Variants in LRRC8E observed in about 807,000 individuals in gnomAD.
LRRC8E encodes the protein leucine rich repeat containing 8 VRAC subunit E.
A neutral mutation model predicts 6.1 loss-of-function variants in LRRC8E; 6 were observed. The ratio of observed to expected loss-of-function variants is 0.98; its 90% CI spans 0.54 to 1.93. The LOEUF is 1.93. Ranked by LOEUF, LRRC8E falls within the 30% of genes most tolerant of loss-of-function variation. LRRC8E has a pLI of 0.01. For missense variants in LRRC8E, 1,028 were observed against 1,031.4 expected (o/e 1.00, Z 0.04); for synonymous variants, 485 against 472.8 (o/e 1.03, Z -0.33).
At chr19:7,896,891 A>G (rs794460) in intron 2 of LRRC8E, among the ~76,000 whole-genome samples, 58,590 of 151,946 alleles carry the variant, frequency 0.39, 11,530 homozygotes, top group East Asian at 0.56. Flanking sequence ...CACTGTGTCC[A>G]GCCCCATATT....
In LRRC8E at chr19:7,898,840, TTA is replaced by T. The variant is rs1690897975; in HGVS notation, c.320_321del (p.Tyr107Ter). 3 of 1,614,230 alleles carry T rather than the reference TTA, an allele frequency of 1.9e-6. No individual in the cohort carries two copies. The highest frequency in any genetic ancestry group is 2.5e-6 in the Non-Finnish European group (3 of 1,180,044). ...AATACAGCTTTATTAACCAGCTGTGTTATGAGACGGCCCTGCACTGGTATGCC... is the reference window on the plus strand; with the variant it reads ...AATACAGCTTTATTAACCAGCTGTGTTGAGACGGCCCTGCACTGGTATGCC... Reference protein sequence around the residue: ...QQYSFINQLCYETALHWYAKY... With the variant: ...QQYSFINQLCXETALHWYAKY... On this transcript the variant is annotated frameshift_variant, in exon 3 of 3. Transcript: ENST00000306708. LOFTEE classifies it low-confidence loss of function (END_TRUNC).
Position 7,899,227 on chromosome 19 carries a change from T to C in LRRC8E, c.705T>C (p.Phe235=). The change falls in exon 3 of 3, where the codon TTT becomes TTC. Residue 235 remains phenylalanine (F), a synonymous_variant. Coordinates refer to ENST00000306708, the MANE Select transcript of LRRC8E (RefSeq NM_025061.6). Reference sequence around the variant, plus strand: ...AGGGTGAGCAAGCCAAAGCCCTGTTTGAGAAGGTGAAGAAGTTCCGCATGC... The same window carrying C: ...AGGGTGAGCAAGCCAAAGCCCTGTTCGAGAAGGTGAAGAAGTTCCGCATGC... ...KKEGEQAKAL[F]EKVKKFRMHV... is the part of the protein sequence containing the mutation. 2 of 1,614,174 alleles carry C rather than the reference T, an allele frequency of 1.2e-6. No homozygotes were observed. The highest frequency in any genetic ancestry group is 1.7e-6 in the Non-Finnish European group (2 of 1,180,026).
chr19:7,898,308 G>A (rs531756584), intron 2 of LRRC8E, among the ~76,000 whole-genome samples: 75 of 151,588 alleles, frequency 4.9e-4, no homozygotes, highest in African/African-American at 1.7e-3. Flanking sequence ...GGTGCGGGGG[G>A]TCTCCCACCT....
chr19:7,901,076 T>A lies in LRRC8E; in HGVS notation c.*163T>A, dbSNP rs1981989563. 1.7e-6 allele frequency: 1 copy of A among 601,068 alleles called. No homozygotes were observed. The highest frequency in any genetic ancestry group is 2.8e-6 in the Non-Finnish European group (1 of 362,772). 37.2% of individuals were successfully genotyped at this position (601,068 alleles called of 1,614,324 possible). On this transcript the variant is annotated 3_prime_UTR_variant, in exon 3 of 3. Coordinates refer to ENST00000306708, the MANE Select transcript of LRRC8E (RefSeq NM_025061.6). ...TGGGGCCCAGGAGGATCTGGGCTGG[T>A]TTGTCTGGGGAGACAGACAGGATGT...
chr19:7,898,747 G>A lies in LRRC8E; in HGVS notation c.225G>A (p.Arg75=). Residue 75 remains arginine, a synonymous_variant, in exon 3 of 3, where the codon CGG becomes CGA. Coordinates refer to ENST00000306708, the MANE Select transcript of LRRC8E (RefSeq NM_025061.6). ...CCCCGTGCCAGCAATTGCTGCCTCGGGGGATCCCTGAGCAGATTGGGGCCC... is the reference window on the plus strand; with the variant it reads ...CCCCGTGCCAGCAATTGCTGCCTCGAGGGATCCCTGAGCAGATTGGGGCCC... ...SEAPCQQLLP[R]GIPEQIGALQ... 2 of 1,614,102 alleles carry A rather than the reference G, an allele frequency of 1.2e-6. No homozygotes were observed. The highest frequency in any genetic ancestry group is 1.7e-6 in the Non-Finnish European group (2 of 1,180,016).
At position 7,899,772 on chromosome 19, in the gene LRRC8E, G is replaced by A. The variant is rs375171999; in HGVS notation, c.1250G>A (p.Gly417Asp). The A allele has an allele frequency of 5.3e-5, 86 of 1,610,320 alleles. No individual in the cohort carries two copies. The highest frequency in any genetic ancestry group is 7.0e-5 in the Non-Finnish European group (83 of 1,179,998). ...CAGAAGCTGCAGCGCAATGCCGCGG[G>A]CCGGCTGGAGCTGGCCCTCTGCATG... ...LRQKLQRNAA[G>D]RLELALCMLP... is the part of the protein sequence containing the mutation. The change falls in exon 3 of 3, where the codon GGC (glycine) becomes GAC (aspartate). Residue 417 changes from glycine (G) to aspartate (D), a missense_variant. Gly to Asp is a moderately conservative substitution (Grantham distance 94). Coordinates refer to ENST00000306708, the MANE Select transcript of LRRC8E (RefSeq NM_025061.6).
At position 7,897,255 on chromosome 19, in the gene LRRC8E, C is replaced by T. The variant is rs892145358; in HGVS notation, c.139-1406C>T. Among the ~76,000 whole-genome samples the T allele has an allele frequency of 7.3e-5, 11 of 151,662 alleles. No individual in the cohort carries two copies. The South Asian group carries it at 1.5e-3, about 20-fold the overall frequency. On this transcript the variant is annotated intron_variant, in intron 2 of 2. Transcript: ENST00000306708. ...TGCGATCTCGGCTCACTGCAACCTC[C>T]GCCTCCCGGGTTCCAACAATTCTCC... is the stretch of plus-strand genomic sequence containing the variant.
Position 7,900,017 on chromosome 19 carries a change from G to C in LRRC8E, c.1495G>C (p.Val499Leu). Residue 499 changes from valine to leucine, a missense_variant, in exon 3 of 3, where the codon GTG becomes CTG. Coordinates refer to ENST00000306708, the MANE Select transcript of LRRC8E (RefSeq NM_025061.6). This position sits in a 1 kb window ranked among gnomAD's most constrained non-coding sequence, Gnocchi z 5.0. Reference sequence around the variant, plus strand: ...CGTCAAATGCGAGGAGCTCCGCGAGGTGCCGCTTTGGGTGTTTGGGCTGCG... The same window carrying C: ...CGTCAAATGCGAGGAGCTCCGCGAGCTGCCGCTTTGGGTGTTTGGGCTGCG... ...MRVKCEELREVPLWVFGLRGL... is the reference protein window; with the variant it reads ...MRVKCEELRELPLWVFGLRGL... 6.2e-7 allele frequency: 1 copy of C among 1,610,160 alleles called. No homozygotes were observed. The highest frequency in any genetic ancestry group is 2.2e-5 in the East Asian group (1 of 44,808).
At position 7,899,895 on chromosome 19, in the gene LRRC8E, A is replaced by G. The variant is rs1489737793; in HGVS notation, c.1373A>G (p.Gln458Arg). The change falls in exon 3 of 3, where the codon CAG (glutamine) becomes CGG (arginine). Residue 458 changes from glutamine to arginine, a missense_variant. Gln to Arg is a conservative substitution (Grantham distance 43, BLOSUM62 1). Transcript: ENST00000306708. The part of the protein sequence containing the change: ...CDITFPPGLS[Q>R]LVHLQELSLL... ...ATCACCTTCCCCCCGGGGCTGTCAC[A>G]GCTGGTGCACTTGCAGGAGCTCAGC... is the stretch of plus-strand genomic sequence containing the variant. The G allele has an allele frequency of 6.2e-7, 1 of 1,607,690 alleles. No homozygotes were observed. The highest frequency in any genetic ancestry group is 1.1e-5 in the South Asian group (1 of 91,084).
At position 7,900,950 on chromosome 19, in the gene LRRC8E, A is replaced by G; in HGVS notation, c.*37A>G. ...GGCCGTTTTAGGTAGAGCCTTAAAAATGCTTCTGCCCTGGAATCTCAACCA... is the reference window on the plus strand; with the variant it reads ...GGCCGTTTTAGGTAGAGCCTTAAAAGTGCTTCTGCCCTGGAATCTCAACCA... On this transcript the variant is annotated 3_prime_UTR_variant, in exon 3 of 3. Transcript: ENST00000306708. The surrounding 1 kb of genome is among the most constrained non-coding windows in gnomAD (Gnocchi z 5.0). 1 of 1,445,328 alleles carries G rather than the reference A, an allele frequency of 6.9e-7. No homozygotes were observed. The highest frequency in any genetic ancestry group is 9.2e-7 in the Non-Finnish European group (1 of 1,087,408). 89.5% of individuals were successfully genotyped at this position (1,445,328 alleles called of 1,614,324 possible).
intron 2 of LRRC8E, among the ~76,000 whole-genome samples, chr19:7,897,539 G>A (rs533707682): frequency 1.1e-3 from 163 of 144,412 alleles, no homozygotes; most frequent in African/African-American, 4.0e-3. Context: ...GTGCAGTGGC[G>A]CAATAATAGC....
rs370392318 is a variant in LRRC8E, at chr19:7,899,499, C to A, written c.977C>A (p.Thr326Asn). 84 of 1,613,976 alleles carry A rather than the reference C, an allele frequency of 5.2e-5. 1 individual carries two copies. In the Middle Eastern group the frequency reaches 1.2e-3, roughly 22 times the overall value. Residue 326 changes from threonine to asparagine, a missense_variant, in exon 3 of 3, where the codon ACC (threonine) becomes AAC (asparagine). Transcript: ENST00000306708. ...TCCTTTGTGTGCATCTACGGACTTA[C>A]CTGCATCTACACGCTCTACTGGCTC... ...YISFVCIYGLTCIYTLYWLFH... is the reference protein window; with the variant it reads ...YISFVCIYGLNCIYTLYWLFH...
chr19:7,889,169 C>T (rs914772545), intron 1 of LRRC8E, among the ~76,000 whole-genome samples: 3 of 152,052 alleles, frequency 2.0e-5, no homozygotes, highest in African/African-American at 7.2e-5. Flanking sequence ...GGTTGAGGCT[C>T]AGCCGGACAC....
In LRRC8E at chr19:7,898,855, G is replaced by A. The variant is rs369072851; in HGVS notation, c.333G>A (p.Leu111=). Residue 111 remains leucine (L), a synonymous_variant, in exon 3 of 3, where the codon CTG becomes CTA. Coordinates refer to ENST00000306708, the MANE Select transcript of LRRC8E (RefSeq NM_025061.6). The part of the protein sequence containing the change: ...FINQLCYETA[L]HWYAKYFPYL... ...ACCAGCTGTGTTATGAGACGGCCCT[G>A]CACTGGTATGCCAAGTACTTCCCTT... The A allele has an allele frequency of 2.2e-5, 35 of 1,614,108 alleles. No individual in the cohort carries two copies. Among genetic ancestry groups the A allele is most frequent in the East Asian group, 4.5e-5 (2 of 44,898 alleles).
Position 7,900,186 on chromosome 19 carries a change from A to T in LRRC8E, c.1664A>T (p.Asp555Val), listed in dbSNP as rs769234210. The T allele has an allele frequency of 6.2e-7, 1 of 1,612,942 alleles. No homozygotes were observed. Among genetic ancestry groups the T allele is most frequent in the East Asian group, 2.2e-5 (1 of 44,870 alleles). The change falls in exon 3 of 3, where the codon GAC becomes GTC. Residue 555 changes from aspartate (D) to valine (V), a missense_variant. Physicochemically the swap from Asp to Val is radical, Grantham distance 152 (BLOSUM62 -3). Transcript: ENST00000306708. This position sits in a 1 kb window ranked among gnomAD's most constrained non-coding sequence, Gnocchi z 5.0. Reference sequence around the variant, plus strand: ...GGGAAGGTGCCAGCCAGTGTGACCGACGTTGCTGGCCACCTGCAGAGGCTC... The same window carrying T: ...GGGAAGGTGCCAGCCAGTGTGACCGTCGTTGCTGGCCACCTGCAGAGGCTC... Reference protein sequence around the residue: ...NAGKVPASVTDVAGHLQRLSL... With the variant: ...NAGKVPASVTVVAGHLQRLSL...
chr19:7,895,561 GTCTC>G lies in LRRC8E; in HGVS notation c.-5-32_-5-29del, dbSNP rs746927093. The G allele has an allele frequency of 1.0e-5, 16 of 1,594,310 alleles. No homozygotes were observed. Among genetic ancestry groups the G allele is most frequent in the Non-Finnish European group, 1.3e-5 (15 of 1,163,908 alleles). On this transcript the variant is annotated intron_variant, in intron 1 of 2. Transcript: ENST00000306708. The surrounding 1 kb of genome is among the most constrained non-coding windows in gnomAD (Gnocchi z 4.7). ...CCCTGCAGAGCCTCCCATCCTGAGG[GTCTC>G]TCTCTACACCCCCCGTCTCGTCCCG...
At position 7,898,922 on chromosome 19, in the gene LRRC8E, A is replaced by G. The variant is rs1981761045; in HGVS notation, c.400A>G (p.Ser134Gly). The G allele has an allele frequency of 6.2e-7, 1 of 1,614,078 alleles. No individual in the cohort carries two copies. Among genetic ancestry groups the G allele is most frequent in the Non-Finnish European group, 8.5e-7 (1 of 1,180,042 alleles). Residue 134 changes from serine to glycine, a missense_variant, in exon 3 of 3, where the codon AGT (serine) becomes GGT (glycine). Physicochemically the swap from Ser to Gly is moderately conservative, Grantham distance 56. Transcript: ENST00000306708. ...IHTLIFMVCT[S>G]FWFKFPGTSS... ...CACACTCATCTTCATGGTCTGCACC[A>G]GTTTCTGGTTCAAGTTCCCTGGCAC...
At position 7,898,754 on chromosome 19, in the gene LRRC8E, C is replaced by A. The variant is rs1981745738; in HGVS notation, c.232C>A (p.Pro78Thr). The change falls in exon 3 of 3, where the codon CCT becomes ACT. Residue 78 changes from proline (P) to threonine (T), a missense_variant. Coordinates refer to ENST00000306708, the MANE Select transcript of LRRC8E (RefSeq NM_025061.6). Reference sequence around the variant, plus strand: ...CCAGCAATTGCTGCCTCGGGGGATCCCTGAGCAGATTGGGGCCCTGCAGGA... The same window carrying A: ...CCAGCAATTGCTGCCTCGGGGGATCACTGAGCAGATTGGGGCCCTGCAGGA... The part of the protein sequence containing the change: ...PCQQLLPRGI[P>T]EQIGALQEVK... 6.2e-7 allele frequency: 1 copy of A among 1,613,964 alleles called. No individual in the cohort carries two copies. The highest frequency in any genetic ancestry group is 1.3e-5 in the African/African-American group (1 of 74,920).
Position 7,899,884 on chromosome 19 carries a change from G to A in LRRC8E, c.1362G>A (p.Pro454=), listed in dbSNP as rs755665931. ...LEAICDITFP[P]GLSQLVHLQE... Reference sequence around the variant, plus strand: ...CCATCTGCGATATCACCTTCCCCCCGGGGCTGTCACAGCTGGTGCACTTGC... The same window carrying A: ...CCATCTGCGATATCACCTTCCCCCCAGGGCTGTCACAGCTGGTGCACTTGC... Residue 454 remains proline, a synonymous_variant, in exon 3 of 3, where the codon CCG becomes CCA. Transcript: ENST00000306708. The A allele has an allele frequency of 1.4e-5, 23 of 1,606,868 alleles. No homozygotes were observed. In the East Asian group the frequency reaches 1.6e-4, roughly 11 times the overall value.
Sources: allele counts gnomAD v4.1 joint callset (sites outside exome capture counted in the v4.1 genomes callset), GRCh38; gene constraint gnomAD v4.1.1; non-coding constraint Gnocchi (gnomAD v3.1); transcripts MANE v1.5; gene names NCBI Gene and HGNC (gene_info 2026-07-23, HGNC 2026-07-21).